PIK3R1: variants seen among roughly 807,000 people sequenced by gnomAD.
PIK3R1 encodes the protein phosphoinositide-3-kinase regulatory subunit 1.
PIK3R1 carries 29 observed loss-of-function variants against 98.0 expected under a neutral mutation model. The ratio of observed to expected loss-of-function variants is 0.30; its 90% CI spans 0.22 to 0.40. The LOEUF (loss-of-function observed/expected upper bound fraction) is 0.40, where lower values mean the gene tolerates loss of function less well. Ranked by LOEUF, PIK3R1 falls within the 10% of genes least tolerant of loss-of-function variation. The pLI is 1.00. For missense variants in PIK3R1, 596 were observed against 872.7 expected, an observed-to-expected ratio of 0.68 and a Z score of 3.99; for synonymous variants, 282 against 311.8, an observed-to-expected ratio of 0.90 and a Z score of 1.01.
chr5:68,293,532 C>T (rs1747505912), intron 10 of PIK3R1, 49 bp downstream of exon 10: 1 of 1,426,844 alleles, frequency 7.0e-7, no homozygotes. Context: ...AGACAAGATC[C>T]TTTTAATACT....
At chr5:68,236,626 TATC>T (rs1428321414) in intron 2 of PIK3R1, among the ~76,000 whole-genome samples, 3 of 152,192 alleles carry the variant, frequency 2.0e-5, no homozygotes, top group Admixed American at 6.5e-5. Flanking sequence ...TATTAAAAAA[TATC>T]ATAGTGATGG....
rs553307770 is a variant in PIK3R1 at position 68,273,237 on chromosome 5, A to G, written c.335-153A>G. Among the ~76,000 whole-genome samples, 14 of 152,336 alleles carry G rather than the reference A, an allele frequency of 9.2e-5. No individual in the cohort carries two copies. In the South Asian group the frequency reaches 2.3e-3, roughly 25 times the overall value. On this transcript the variant is annotated intron_variant, in intron 2 of 15. Transcript: ENST00000521381. The stretch of plus-strand genomic sequence containing the variant: ...AGACCCTAGGTGAGAAGCAGTGGGC[A>G]TATCACTTTGGCCTGGAAAGTGCAA...
intron 1 of PIK3R1, among the ~76,000 whole-genome samples, chr5:68,216,227 C>G (rs546532338): frequency 3.6e-4 from 55 of 152,326 alleles, no homozygotes; most frequent in Middle Eastern, 3.4e-3. Context: ...TGCACGCCGC[C>G]GGTCGCATTT....
At position 68,262,492 on chromosome 5, in the gene PIK3R1, A is replaced by ATG. The variant is rs1441273015; in HGVS notation, c.335-10897_335-10896insGT. 4.2e-5 allele frequency among the ~76,000 whole-genome samples: 6 copies of ATG among 142,750 alleles called. No individual in the cohort carries two copies. In the Admixed American group the frequency reaches 4.2e-4, roughly 10 times the overall value. 93.6% of individuals were successfully genotyped at this position (142,750 alleles called of 152,430 possible). On this transcript the variant is annotated intron_variant, in intron 2 of 15. Transcript: ENST00000521381. ...TATATGTACATATATATCTATATGT[A>ATG]TACATATATCTATATATGTATACAT...
chr5:68,237,133 G>A (rs1431913733), intron 2 of PIK3R1, among the ~76,000 whole-genome samples: 1 of 152,188 alleles, frequency 6.6e-6, no homozygotes. Context: ...AGCACAGACT[G>A]GAGTTATTAC....
At chr5:68,292,677 A>G in intron 8 of PIK3R1, 1 of 1,294,104 alleles carries the variant, frequency 7.7e-7, no homozygotes, top group Admixed American at 3.4e-5. Context: ...CTTGCCTTAA[A>G]CACAATAAGA....
At chr5:68,281,124 T>G (rs1206736141) in intron 7 of PIK3R1, 118 bp downstream of exon 7, 1 of 656,044 alleles carries the variant, frequency 1.5e-6, no homozygotes, top group Non-Finnish European at 2.7e-6. Context: ...CAGTTGGTAG[T>G]AATATGTTAC....
At chr5:68,263,946 C>A (rs565310194) in intron 2 of PIK3R1, among the ~76,000 whole-genome samples, 18 of 152,066 alleles carry the variant, frequency 1.2e-4, no homozygotes, top group Non-Finnish European at 2.4e-4. Context: ...TTTTGTGATG[C>A]TTGCAAATAT....
Position 68,300,992 on chromosome 5 carries a change from G to A in PIK3R1, c.*3391G>A, listed in dbSNP as rs1748010948. The A allele has an allele frequency of 8.6e-6, 2 of 232,934 alleles. No individual in the cohort carries two copies. The highest frequency in any genetic ancestry group is 2.2e-5 in the African/African-American group (1 of 45,258). The allele number at this position is 232,934 out of a possible 1,614,324, so 14.4% of individuals were successfully genotyped here. A position where few individuals can be genotyped will look rare whatever the true frequency, so the allele number is the denominator to read the frequency against. ...AACCAATTGCTTTGTCATATAGCTG[G>A]TTATGAACTAGTAACATGTTTGGGA... is the stretch of plus-strand genomic sequence containing the variant. On this transcript the variant is annotated 3_prime_UTR_variant, in exon 16 of 16. Transcript: ENST00000521381.
At chr5:68,243,326 A>G (rs1041330544) in intron 2 of PIK3R1, among the ~76,000 whole-genome samples, 1 of 152,236 alleles carries the variant, frequency 6.6e-6, no homozygotes, top group African/African-American at 2.4e-5. Flanking sequence ...TTGATTAGAC[A>G]CATAAAACTT....
rs945404995 is a variant in PIK3R1 at position 68,242,067 on chromosome 5, A to G, written c.334+15058A>G. 2.6e-5 allele frequency among the ~76,000 whole-genome samples: 4 copies of G among 152,266 alleles called. No homozygotes were observed. In the East Asian group the frequency reaches 7.7e-4, roughly 29 times the overall value. On this transcript the variant is annotated intron_variant, in intron 2 of 15. Transcript: ENST00000521381. ...CAAAGTTTACTTGAAATAAAAAGGG[A>G]AGAATACGAAGTATCACAGGTTAAA...
chr5:68,286,652 TG>T (rs1747089402), intron 7 of PIK3R1, among the ~76,000 whole-genome samples: 1 of 152,216 alleles, frequency 6.6e-6, no homozygotes, highest in African/African-American at 2.4e-5. Flanking sequence ...GTGAGAAATT[TG>T]TTTAAGGCAA....
chr5:68,247,612 T>C (rs1745150053), intron 2 of PIK3R1, among the ~76,000 whole-genome samples: 1 of 149,578 alleles, frequency 6.7e-6, no homozygotes, highest in South Asian at 2.2e-4. Context: ...AGGGTCTTCC[T>C]CTGTCACTCA....
chr5:68,293,550 C>A, intron 10 of PIK3R1, 67 bp downstream of exon 10: 1 of 1,339,392 alleles, frequency 7.5e-7, no homozygotes, highest in Non-Finnish European at 1.0e-6. Flanking sequence ...ACTTAGAAAA[C>A]ATTTGAAGCA....
chr5:68,249,799 C>CT (rs1561270529), intron 2 of PIK3R1, among the ~76,000 whole-genome samples: 2 of 152,166 alleles, frequency 1.3e-5, no homozygotes. Context: ...GATACTTTCT[C>CT]AGTCACGTAG....
chr5:68,292,773 G>T, intron 8 of PIK3R1: 1 of 1,258,988 alleles, frequency 7.9e-7, no homozygotes, highest in Non-Finnish European at 1.0e-6. Flanking sequence ...GTGCTCATTT[G>T]TCAGAGAGAT....
chr5:68,260,144 G>A (rs1439661701), intron 2 of PIK3R1, among the ~76,000 whole-genome samples: 7 of 152,064 alleles, frequency 4.6e-5, no homozygotes, highest in Admixed American at 2.6e-4. Flanking sequence ...CAAATACTAA[G>A]GGCAGCTTTT....
chr5:68,252,386 TGGG>T (rs768378256), intron 2 of PIK3R1, among the ~76,000 whole-genome samples: 8 of 137,646 alleles, frequency 5.8e-5, no homozygotes, highest in Non-Finnish European at 1.3e-4. Context: ...AAAAAAAAAG[TGGG>T]GGGATCAGAT....
chr5:68,288,827 G>A (rs1747220092), intron 7 of PIK3R1: 2 of 1,435,742 alleles, frequency 1.4e-6, no homozygotes, highest in African/African-American at 1.4e-5. Flanking sequence ...CTTGGAGTAC[G>A]TGTGTGTGCG....
Sources: gnomAD v4.1 joint callset for allele counts (sites outside exome capture counted in the v4.1 genomes callset) on GRCh38, gnomAD v4.1.1 for gene constraint, MANE v1.5 for transcripts, NCBI Gene and HGNC (gene_info 2026-07-23, HGNC 2026-07-21) for gene names.